The following SLC6A16 variants were observed in gnomAD, a reference collection of about 807,000 sequenced individuals.
SLC6A16 encodes the protein orphan sodium- and chloride-dependent neurotransmitter transporter NTT5.
SLC6A16 carries 54 observed loss-of-function variants against 65.4 expected under a neutral mutation model. The ratio of observed to expected loss-of-function variants is 0.83; its 90% CI spans 0.66 to 1.04. SLC6A16 has a LOEUF of 1.04. Ranked by LOEUF, SLC6A16 falls within the 50% of genes least tolerant of loss-of-function variation. The pLI, the probability that SLC6A16 is intolerant of heterozygous loss-of-function variation, is 0.00. For missense variants in SLC6A16, 816 were observed against 914.0 expected, an observed-to-expected ratio of 0.89 and a Z score of 1.38; for synonymous variants, 330 against 346.5, an observed-to-expected ratio of 0.95 and a Z score of 0.53.
intron 7 of SLC6A16, among the ~76,000 whole-genome samples, chr19:49,303,660 A>C (rs968780919): frequency 3.9e-5 from 2 of 50,804 alleles, no homozygotes; most frequent in Non-Finnish European, 5.6e-5. Context: ...CTCAAAAAAA[A>C]AAAAAGAAAA....
Position 49,290,692 on chromosome 19 carries a change from A to G in SLC6A16, c.1854T>C (p.Cys618=). Residue 618 remains cysteine, a synonymous_variant, in exon 11 of 12, where the codon TGT becomes TGC. Transcript: ENST00000335875. ...CAAAGATGATTAGCAGCACAACTGG[A>G]CACAGATGGGGCCACAGCCAACCAA... is the stretch of plus-strand genomic sequence containing the variant. ...PIFGWLWPHL[C]PVVLLIIFVT... 1 of 1,613,972 alleles carries G rather than the reference A, an allele frequency of 6.2e-7. No homozygotes were observed. The highest frequency in any genetic ancestry group is 8.5e-7 in the Non-Finnish European group (1 of 1,179,936).
the SLC6A16 span, chr19:49,337,378 C>G: frequency 1.3e-6 from 1 of 770,484 alleles, no homozygotes; most frequent in South Asian, 1.7e-5. Flanking sequence ...GCCTGTAATC[C>G]CATAATCCCA....
the SLC6A16 span, chr19:49,336,964 C>G: frequency 2.5e-6 from 4 of 1,614,102 alleles, no homozygotes; most frequent in African/African-American, 5.3e-5. Context: ...TCTCAGGAAT[C>G]TTCACCATGG....
the SLC6A16 span, chr19:49,337,375 A>G: frequency 1.3e-6 from 1 of 767,570 alleles, no homozygotes; most frequent in African/African-American, 1.7e-5. Flanking sequence ...CACGCCTGTA[A>G]TCCCATAATC....
chr19:49,318,717 GAT>G (rs1970655869), intron 1 of SLC6A16, among the ~76,000 whole-genome samples: 1 of 152,130 alleles, frequency 6.6e-6, no homozygotes, highest in East Asian at 1.9e-4. Context: ...TAGACAGACA[GAT>G]AGATATTTTC....
At chr19:49,312,475 C>G (rs1344438430) in intron 1 of SLC6A16, 4 of 709,358 alleles carry the variant, frequency 5.6e-6, no homozygotes, top group Admixed American at 6.3e-5. Context: ...TCCATCTCTG[C>G]CTACTGCTCT....
rs373991329 is a variant in SLC6A16, at chr19:49,290,739, C to A, written c.1807G>T (p.Gly603Cys). The A allele has an allele frequency of 5.6e-6, 9 of 1,612,050 alleles. No homozygotes were observed. In the African/African-American group the frequency reaches 9.4e-5, roughly 17 times the overall value. The part of the protein sequence containing the change: ...RFLADLTILL[G>C]HPISPIFGWL... ...CCAAAGATGGGAGAGATGGGGTGGC[C>A]CAACAGGATCGTCAGGTCTGCAAGG... The change falls in exon 11 of 12, where the codon GGC (glycine) becomes TGC (cysteine). Residue 603 changes from glycine (G) to cysteine (C), a missense_variant. Coordinates refer to ENST00000335875, the MANE Select transcript of SLC6A16 (RefSeq NM_014037.3).
chr19:49,338,230 C>G, the SLC6A16 span: 1 of 1,421,974 alleles, frequency 7.0e-7, no homozygotes. This position sits in a 1 kb window ranked among gnomAD's most constrained non-coding sequence, Gnocchi z 5.0. Context: ...CAGACCCTGG[C>G]GTGGCTTCGC....
At chr19:49,307,490 C>T (rs984323554) in intron 7 of SLC6A16, among the ~76,000 whole-genome samples, 1 of 151,890 alleles carries the variant, frequency 6.6e-6, no homozygotes, top group Non-Finnish European at 1.5e-5. Context: ...CATGTATATT[C>T]CCAGGCATCT....
intron 8 of SLC6A16, 112 bp downstream of exon 8, chr19:49,294,255 A>G (rs1970140256): frequency 9.2e-7 from 1 of 1,089,558 alleles, no homozygotes; most frequent in East Asian, 2.6e-5. Flanking sequence ...TGAGAGCCAC[A>G]GATGATTCTG....
intron 7 of SLC6A16, among the ~76,000 whole-genome samples, chr19:49,296,905 C>G (rs1970196968): frequency 6.6e-6 from 1 of 152,156 alleles, no homozygotes; most frequent in African/African-American, 2.4e-5. Flanking sequence ...GGGAGAATCA[C>G]TTGAGCCTGG....
chr19:49,336,960 G>A, the SLC6A16 span: 5 of 1,614,038 alleles, frequency 3.1e-6, no homozygotes, highest in Non-Finnish European at 4.2e-6. Flanking sequence ...GCCATCTCAG[G>A]AATCTTCACC....
chr19:49,291,619 G>A (rs2146060933), intron 10 of SLC6A16, among the ~76,000 whole-genome samples: 1 of 151,948 alleles, frequency 6.6e-6, no homozygotes, highest in Non-Finnish European at 1.5e-5. Context: ...ATTATACCAG[G>A]AACTCTTCTA....
At chr19:49,310,280 G>C in intron 3 of SLC6A16, 73 bp downstream of exon 3, 3 of 1,603,410 alleles carry the variant, frequency 1.9e-6, no homozygotes, top group Non-Finnish European at 2.6e-6. Context: ...TATTCACAGG[G>C]CGCATTTCAG....
At chr19:49,337,936 C>T in the SLC6A16 span, 1 of 1,614,090 alleles carries the variant, frequency 6.2e-7, no homozygotes, top group East Asian at 2.2e-5. Flanking sequence ...TGGAGCGAAG[C>T]TTGCGGGACG....
intron 5 of SLC6A16, 61 bp from the exon 6 acceptor site, chr19:49,309,472 G>A (rs573330858): frequency 5.7e-6 from 8 of 1,402,836 alleles, no homozygotes; most frequent in Non-Finnish European, 8.0e-6. Context: ...CAACAGTTAG[G>A]AGGGATCAAA....
chr19:49,337,115 G>A, the SLC6A16 span: 1 of 1,614,064 alleles, frequency 6.2e-7, no homozygotes, highest in Non-Finnish European at 8.5e-7. Context: ...TTGCAGGGGT[G>A]GTCAGCCTGA....
chr19:49,317,060 C>T (rs1201090989), intron 1 of SLC6A16, among the ~76,000 whole-genome samples: 1 of 151,288 alleles, frequency 6.6e-6, no homozygotes, highest in East Asian at 1.9e-4. Context: ...ATAAAATAGG[C>T]CAGGTGCAGT....
chr19:49,339,845 A>G, the SLC6A16 span: 1 of 1,327,666 alleles, frequency 7.5e-7, no homozygotes, highest in Non-Finnish European at 9.7e-7. This position sits in a 1 kb window ranked among gnomAD's most constrained non-coding sequence, Gnocchi z 4.5. Flanking sequence ...TGGGGAGACA[A>G]GGCACCGCAG....
Sources: gnomAD v4.1 joint callset for allele counts (sites outside exome capture counted in the v4.1 genomes callset) on GRCh38, gnomAD v4.1.1 for gene constraint, Gnocchi (gnomAD v3.1) non-coding constraint, MANE v1.5 for transcripts, NCBI Gene and HGNC (gene_info 2026-07-23, HGNC 2026-07-21) for gene names.